ZC3H6: variants seen among roughly 807,000 people sequenced by gnomAD.
ZC3H6 encodes zinc finger CCCH-type containing 6.
ZC3H6 carries 40 observed loss-of-function variants against 107.7 expected under a neutral mutation model. That is an observed-to-expected ratio of 0.37 (90% confidence interval 0.29 to 0.48). The LOEUF (loss-of-function observed/expected upper bound fraction) is 0.48. Ranked by LOEUF, ZC3H6 falls within the 20% of genes least tolerant of loss-of-function variation. The pLI is 0.98. For synonymous variants in ZC3H6, 493 were observed against 487.9 expected, an observed-to-expected ratio of 1.01 and a Z score of -0.14; for missense variants, 1,267 against 1,410.4, an observed-to-expected ratio of 0.90 and a Z score of 1.63.
intron 3 of ZC3H6, 156 bp downstream of exon 3, chr2:112,303,507 A>G: frequency 3.5e-6 from 2 of 567,388 alleles, no homozygotes; most frequent in South Asian, 5.5e-5. Context: ...ATCATTCCAA[A>G]CAGAAACTCA....
rs1184837581 is a variant in ZC3H6, at chr2:112,334,176, T to C, written c.*1688T>C. 1 of 152,146 alleles carries C rather than the reference T, an allele frequency of 6.6e-6. No individual in the cohort carries two copies. The highest frequency in any genetic ancestry group is 6.5e-5 in the Admixed American group (1 of 15,272). The allele number at this position is 152,146 out of a possible 1,614,324, so 9.4% of individuals were successfully genotyped here. On this transcript the variant is annotated 3_prime_UTR_variant, in exon 12 of 12. Coordinates refer to ENST00000409871, the MANE Select transcript of ZC3H6 (RefSeq NM_198581.3). ...TGTAATTTAAAGCCACCATAGAAAG[T>C]ATTTTCTGATTTACTGTCCAAATGA...
intron 4 of ZC3H6, 32 bp downstream of exon 4, chr2:112,310,193 G>T (rs1676569938): frequency 6.3e-7 from 1 of 1,582,830 alleles, no homozygotes; most frequent in South Asian, 1.2e-5. Flanking sequence ...GTCTTAGAAT[G>T]TGAGAACCTT....
Position 112,332,622 on chromosome 2 carries a change from A to G in ZC3H6, c.*134A>G. The G allele has an allele frequency of 1.2e-6, 1 of 818,018 alleles. No homozygotes were observed. The highest frequency in any genetic ancestry group is 2.7e-5 in the East Asian group (1 of 36,502). The allele number at this position is 818,018 out of a possible 1,614,324, so 50.7% of individuals were successfully genotyped here. On this transcript the variant is annotated 3_prime_UTR_variant, in exon 12 of 12. Coordinates refer to ENST00000409871, the MANE Select transcript of ZC3H6 (RefSeq NM_198581.3). ...TTTCAGCTGCTAGTATCAGAACCAC[A>G]TGAAGTTATAGCCTCTAAAGCCTGT... is the stretch of plus-strand genomic sequence containing the variant.
chr2:112,287,175 C>G (rs963656622), intron 1 of ZC3H6, among the ~76,000 whole-genome samples: 13 of 151,934 alleles, frequency 8.6e-5, no homozygotes, highest in Non-Finnish European at 1.8e-4. Context: ...TACTCATATT[C>G]TAAGGGAATT....
intron 7 of ZC3H6, among the ~76,000 whole-genome samples, chr2:112,319,303 C>T (rs1195609992): frequency 6.6e-6 from 1 of 151,888 alleles, no homozygotes; most frequent in Non-Finnish European, 1.5e-5. Flanking sequence ...AGTTGGAGAC[C>T]AGCCTGGGTA....
intron 1 of ZC3H6, chr2:112,285,960 C>CA (rs370798965): frequency 0.018 from 2,881 of 162,964 alleles, 13 homozygotes; most frequent in East Asian, 0.08. Flanking sequence ...GTCTCCGTCT[C>CA]AAAAAAAAAA....
At chr2:112,303,059 T>G (rs1395650931) in intron 2 of ZC3H6, among the ~76,000 whole-genome samples, 170 bp from the exon 3 acceptor site, 2 of 152,204 alleles carry the variant, frequency 1.3e-5, no homozygotes, top group East Asian at 1.9e-4. Flanking sequence ...CTCAGCGAAG[T>G]TGGAATGGTG....
intron 1 of ZC3H6, among the ~76,000 whole-genome samples, chr2:112,296,294 T>A (rs2104703005): frequency 6.6e-6 from 1 of 152,316 alleles, no homozygotes; most frequent in Non-Finnish European, 1.5e-5. Context: ...CATACAGTAC[T>A]GTCTTGTGTC....
intron 1 of ZC3H6, among the ~76,000 whole-genome samples, chr2:112,278,819 G>A (rs1194347106): frequency 6.6e-6 from 1 of 151,830 alleles, no homozygotes; most frequent in Non-Finnish European, 1.5e-5. Context: ...ATAGAGTCTC[G>A]CTATATGCCT....
intron 1 of ZC3H6, among the ~76,000 whole-genome samples, chr2:112,281,074 T>C (rs1686517183): frequency 6.6e-6 from 1 of 152,174 alleles, no homozygotes; most frequent in African/African-American, 2.4e-5. Flanking sequence ...CTTGGTGTAA[T>C]GAAACATATT....
chr2:112,275,976 G>T lies in ZC3H6; in HGVS notation c.-19G>T. 6.5e-7 allele frequency: 1 copy of T among 1,533,324 alleles called. No homozygotes were observed. Among genetic ancestry groups the T allele is most frequent in the Non-Finnish European group, 8.8e-7 (1 of 1,139,888 alleles). 95.0% of individuals were successfully genotyped at this position (1,533,324 alleles called of 1,614,324 possible). On this transcript the variant is annotated 5_prime_UTR_variant, in exon 1 of 12. Coordinates refer to ENST00000409871, the MANE Select transcript of ZC3H6 (RefSeq NM_198581.3). ...CCTCGCAGACCTGCCCTCCAGCCCC[G>T]CCCCGTTCTTGACCAAACATGACAG...
chr2:112,280,068 A>AT (rs1415855444), intron 1 of ZC3H6, among the ~76,000 whole-genome samples: 1 of 151,848 alleles, frequency 6.6e-6, no homozygotes, highest in African/African-American at 2.4e-5. Context: ...CCTTTTCATT[A>AT]TTTTTTTCAT....
rs915094207 is a variant in ZC3H6 at position 112,320,732 on chromosome 2, G to A, written c.977-1024G>A. On this transcript the variant is annotated intron_variant, in intron 7 of 11. Coordinates refer to ENST00000409871, the MANE Select transcript of ZC3H6 (RefSeq NM_198581.3). ...GGGGTTTTTGTTATATAGTCATGCT[G>A]TTTGTAAATAATAATAATTTTACTT... Among the ~76,000 whole-genome samples the A allele has an allele frequency of 2.0e-5, 3 of 151,984 alleles. No homozygotes were observed. The South Asian group carries it at 6.2e-4, about 32-fold the overall frequency.
At position 112,338,911 on chromosome 2, in the gene ZC3H6, AT is replaced by A. The variant is rs1333536137; in HGVS notation, c.*6424del. ...TATATATATATATATATATATATATATAATTTTTTTTTTTTGAGACGGAGTC... is the reference window on the plus strand; with the variant it reads ...TATATATATATATATATATATATATAAATTTTTTTTTTTTGAGACGGAGTC... On this transcript the variant is annotated 3_prime_UTR_variant, in exon 12 of 12. Transcript: ENST00000409871. 3 of 87,250 alleles carry A rather than the reference AT, an allele frequency of 3.4e-5. No homozygotes were observed. Among genetic ancestry groups the A allele is most frequent in the Admixed American group, 1.3e-4 (1 of 7,518 alleles). The allele number at this position is 87,250 out of a possible 1,614,324, so 5.4% of individuals were successfully genotyped here. A position where few individuals can be genotyped will look rare whatever the true frequency, so the allele number is the denominator to read the frequency against.
At chr2:112,296,345 A>G (rs1314660589) in intron 1 of ZC3H6, among the ~76,000 whole-genome samples, 1 of 151,998 alleles carries the variant, frequency 6.6e-6, no homozygotes, top group Non-Finnish European at 1.5e-5. Flanking sequence ...AGATTCCTCT[A>G]TATTGTTTTT....
chr2:112,285,752 G>A (rs1686595163), intron 1 of ZC3H6, among the ~76,000 whole-genome samples: 1 of 152,012 alleles, frequency 6.6e-6, no homozygotes, highest in African/African-American at 2.4e-5. Context: ...CCTGAGGTCA[G>A]GAGTTCAAGA....
chr2:112,308,480 G>A (rs1676532248), intron 3 of ZC3H6, among the ~76,000 whole-genome samples: 1 of 149,686 alleles, frequency 6.7e-6, no homozygotes, highest in Non-Finnish European at 1.5e-5. Context: ...AGGCTGGAGT[G>A]CAGTGGTGCG....
At chr2:112,323,692 AAAG>A (rs1475856090) in intron 9 of ZC3H6, among the ~76,000 whole-genome samples, 2 of 152,240 alleles carry the variant, frequency 1.3e-5, no homozygotes, top group African/African-American at 4.8e-5. Context: ...AGATGTCAGG[AAAG>A]AAGAGCAACA....
chr2:112,277,850 A>C (rs1195097300), intron 1 of ZC3H6, among the ~76,000 whole-genome samples: 1 of 152,120 alleles, frequency 6.6e-6, no homozygotes, highest in Non-Finnish European at 1.5e-5. Flanking sequence ...AACAAAGTGA[A>C]CTAGAAGTCA....
Sources: allele counts gnomAD v4.1 joint callset (sites outside exome capture counted in the v4.1 genomes callset), GRCh38; gene constraint gnomAD v4.1.1; transcripts MANE v1.5; gene names NCBI Gene and HGNC (gene_info 2026-07-23, HGNC 2026-07-21).